MTHFD1: variants seen among roughly 807,000 people sequenced by gnomAD.
MTHFD1 encodes methylenetetrahydrofolate dehydrogenase, cyclohydrolase and formyltetrahydrofolate synthetase 1, also known as C-1-tetrahydrofolate synthase, cytoplasmic.
In MTHFD1, 44 loss-of-function variants were observed where a neutral mutation model predicts 110.3. The observed-to-expected ratio is 0.40, with a 90% CI of 0.31 to 0.51. MTHFD1 has a LOEUF of 0.51. Among genes scored for constraint, MTHFD1 ranks in the 20% least tolerant of loss-of-function variants. The probability of loss-of-function intolerance (pLI) is 0.60; values close to 1 mark genes in which losing one functional copy is unlikely to be tolerated. For missense variants in MTHFD1, 909 were observed against 1,173.1 expected (o/e 0.77, Z 3.29); for synonymous variants, 402 against 428.8 (o/e 0.94, Z 0.77).
intron 16 of MTHFD1, among the ~76,000 whole-genome samples, 155 bp downstream of exon 16, chr14:64,435,826 G>A (rs978783748): frequency 6.6e-6 from 1 of 152,042 alleles, no homozygotes; most frequent in Admixed American, 6.6e-5. Context: ...TCTTTTTCTT[G>A]CCACCTCTCT....
intron 26 of MTHFD1, among the ~76,000 whole-genome samples, chr14:64,455,559 G>C (rs1483369366): frequency 2.0e-5 from 3 of 152,140 alleles, no homozygotes; most frequent in Non-Finnish European, 1.5e-5. Context: ...CCTGAATCTA[G>C]GTTATCCCCT....
chr14:64,417,446 C>A lies in MTHFD1; in HGVS notation c.479-442C>A, dbSNP rs2078032910. Among the ~76,000 whole-genome samples the A allele has an allele frequency of 6.6e-6, 1 of 152,204 alleles. No homozygotes were observed. The highest frequency in any genetic ancestry group is 1.5e-5 in the Non-Finnish European group (1 of 68,036). On this transcript the variant is annotated intron_variant, in intron 6 of 27. Transcript: ENST00000652337. The surrounding 1 kb of genome is among the most constrained non-coding windows in gnomAD (Gnocchi z 4.4). ...GTGAGGAACTGTATAAACAAACTTA[C>A]CAAAGTTAGAAGGAATTACCGATAC...
rs144030113 is a variant in MTHFD1 at position 64,457,828 on chromosome 14, T to C, written c.2719-386T>C. On this transcript the variant is annotated intron_variant, in intron 26 of 27. Coordinates refer to ENST00000652337, the MANE Select transcript of MTHFD1 (RefSeq NM_005956.4). ...ATATGTAACAAGAGTACCCACTTTA[T>C]TGACAACTATAAAATGATGTTCTAT... 2.0e-3 allele frequency among the ~76,000 whole-genome samples: 302 copies of C among 152,310 alleles called. 1 individual carries two copies. Among genetic ancestry groups the C allele is most frequent in the African/African-American group, 6.9e-3 (285 of 41,564 alleles).
At chr14:64,430,079 A>G in intron 12 of MTHFD1, 105 bp from the exon 13 acceptor site, 1 of 981,182 alleles carries the variant, frequency 1.0e-6, no homozygotes, top group Admixed American at 1.7e-5. Context: ...AAAATAAATA[A>G]ATAAATGTGC....
chr14:64,405,219 G>T (rs1405577005), intron 2 of MTHFD1, among the ~76,000 whole-genome samples: 1 of 152,198 alleles, frequency 6.6e-6, no homozygotes, highest in Non-Finnish European at 1.5e-5. Context: ...TGTAGAAAGA[G>T]TAAATGTCAT....
intron 24 of MTHFD1, among the ~76,000 whole-genome samples, chr14:64,451,440 TATA>T (rs2078371421): frequency 6.6e-6 from 1 of 152,370 alleles, no homozygotes; most frequent in East Asian, 1.9e-4. Flanking sequence ...CCCTTGCAGA[TATA>T]ATACACTTAC....
At chr14:64,454,617 G>T (rs1249214910) in intron 25 of MTHFD1, 106 bp from the exon 26 acceptor site, 8 of 885,768 alleles carry the variant, frequency 9.0e-6, no homozygotes, top group Non-Finnish European at 1.5e-5. Context: ...AAGGGAGTTG[G>T]ATGTTTCGAA....
At chr14:64,421,847 G>T (rs568922900) in intron 8 of MTHFD1, among the ~76,000 whole-genome samples, 1 of 151,978 alleles carries the variant, frequency 6.6e-6, no homozygotes, top group Non-Finnish European at 1.5e-5. Flanking sequence ...GGATGGTCTC[G>T]ATCTCCTGAC....
chr14:64,449,990 C>G (rs982158839), intron 24 of MTHFD1, among the ~76,000 whole-genome samples: 5 of 152,190 alleles, frequency 3.3e-5, no homozygotes, highest in Non-Finnish European at 7.3e-5. Flanking sequence ...TGGGGTTTCA[C>G]CATCTTGGCC....
rs1283666276 is a variant in MTHFD1 at position 64,417,945 on chromosome 14, C to T, written c.536C>T (p.Ala179Val). 3 of 1,613,726 alleles carry T rather than the reference C, an allele frequency of 1.9e-6. No homozygotes were observed. Among genetic ancestry groups the T allele is most frequent in the Non-Finnish European group, 2.5e-6 (3 of 1,179,996 alleles). Residue 179 changes from alanine to valine, a missense_variant, in exon 7 of 28, where the codon GCC becomes GTC. Transcript: ENST00000652337. The surrounding 1 kb of genome is among the most constrained non-coding windows in gnomAD (Gnocchi z 4.4). ...VVVGRSKIVG[A>V]PMHDLLLWNN... ...GTTGGGCGCAGTAAAATAGTTGGGG[C>T]CCCGATGCATGACTTGCTTCTGTGG... is the stretch of plus-strand genomic sequence containing the variant.
rs564110675 is a variant in MTHFD1 at position 64,414,656 on chromosome 14, A to ATTT, written c.241-686_241-684dup. Among the ~76,000 whole-genome samples, 8 of 124,048 alleles carry ATTT rather than the reference A, an allele frequency of 6.4e-5. No individual in the cohort carries two copies. The South Asian group carries it at 1.8e-3, about 28-fold the overall frequency. The allele number at this position is 124,048 out of a possible 152,430, so 81.4% of individuals were successfully genotyped here. On this transcript the variant is annotated intron_variant, in intron 4 of 27. Coordinates refer to ENST00000652337, the MANE Select transcript of MTHFD1 (RefSeq NM_005956.4). Reference sequence around the variant, plus strand: ...GTGTGAGCCACCACACCCAGCCCTAATTTTTTTTTTTTTTTTTTGAGGTGG... The same window carrying ATTT: ...GTGTGAGCCACCACACCCAGCCCTAATTTTTTTTTTTTTTTTTTTTTGAGGTGG...
At chr14:64,434,592 A>T (rs1447456690) in intron 15 of MTHFD1, among the ~76,000 whole-genome samples, 3 of 152,220 alleles carry the variant, frequency 2.0e-5, no homozygotes, top group Non-Finnish European at 2.9e-5. Context: ...CAACAACTTT[A>T]TAAAACCCCA....
chr14:64,438,005 C>T (rs957739114), intron 16 of MTHFD1, among the ~76,000 whole-genome samples: 8 of 152,120 alleles, frequency 5.3e-5, no homozygotes, highest in African/African-American at 1.7e-4. Flanking sequence ...TCCTGAGAAG[C>T]TGGGATTACA....
chr14:64,441,718 G>A, intron 19 of MTHFD1: 1 of 549,840 alleles, frequency 1.8e-6, no homozygotes, highest in Non-Finnish European at 3.3e-6. Flanking sequence ...AGGCAGAATG[G>A]CGTGAACCTG....
intron 2 of MTHFD1, among the ~76,000 whole-genome samples, chr14:64,410,416 G>GC (rs1477478646): frequency 6.6e-6 from 1 of 151,322 alleles, no homozygotes; most frequent in Non-Finnish European, 1.5e-5. Context: ...ATGGGGGGGG[G>GC]GGTCTCACTA....
At chr14:64,407,201 C>G (rs925731622) in intron 2 of MTHFD1, among the ~76,000 whole-genome samples, 25 of 152,096 alleles carry the variant, frequency 1.6e-4, no homozygotes, top group African/African-American at 5.8e-4. Flanking sequence ...CATGGTGGCT[C>G]ACGCCTGTAA....
chr14:64,400,202 A>C (rs747447883), intron 1 of MTHFD1, among the ~76,000 whole-genome samples: 1 of 151,344 alleles, frequency 6.6e-6, no homozygotes, highest in Non-Finnish European at 1.5e-5. Flanking sequence ...CAGCCTGACC[A>C]ACATAGAGAA....
intron 4 of MTHFD1, 34 bp downstream of exon 4, chr14:64,412,559 G>T: frequency 6.4e-7 from 1 of 1,554,760 alleles, no homozygotes; most frequent in South Asian, 1.1e-5. Context: ...GAAGAGGGAA[G>T]GTGAAGTGGT....
intron 1 of MTHFD1, among the ~76,000 whole-genome samples, chr14:64,398,671 G>A (rs2140944383): frequency 6.6e-6 from 1 of 152,298 alleles, no homozygotes; most frequent in East Asian, 1.9e-4. Context: ...TCTATTTCTT[G>A]TGTGCCTGTT....
Sources: allele counts gnomAD v4.1 joint callset (sites outside exome capture counted in the v4.1 genomes callset), GRCh38; gene constraint gnomAD v4.1.1; non-coding constraint Gnocchi (gnomAD v3.1); transcripts MANE v1.5; gene names NCBI Gene and HGNC (gene_info 2026-07-23, HGNC 2026-07-21).